STAT4: variants seen among roughly 807,000 people sequenced by gnomAD.
The protein encoded by STAT4 is signal transducer and activator of transcription 4.
A neutral mutation model predicts 110.5 loss-of-function variants in STAT4; 42 were observed. That is an observed-to-expected ratio of 0.38 (90% CI 0.30 to 0.49). The LOEUF is 0.49. Ranked by LOEUF, STAT4 falls within the 20% of genes least tolerant of loss-of-function variation. The pLI, the probability that STAT4 is intolerant of heterozygous loss-of-function variation, is 0.95. For missense variants in STAT4, 632 were observed against 887.9 expected, an observed-to-expected ratio of 0.71 and a Z score of 3.66; for synonymous variants, 284 against 302.2, an observed-to-expected ratio of 0.94 and a Z score of 0.63.
At chr2:191,078,057 T>C (rs1559056742) in intron 3 of STAT4, among the ~76,000 whole-genome samples, 1 of 151,264 alleles carries the variant, frequency 6.6e-6, no homozygotes, top group Admixed American at 6.6e-5. Flanking sequence ...AGAAAAGCTA[T>C]GTTTTCTCAT....
In STAT4 at chr2:191,095,244, A is replaced by C. The variant is rs140075666; in HGVS notation, c.274-18919T>G. On this transcript the variant is annotated intron_variant, in intron 3 of 23. Coordinates refer to ENST00000392320, the MANE Select transcript of STAT4 (RefSeq NM_003151.4). ...ACAAGGATATCCAGGAACTGAACTC[A>C]GCTCTGCAACAAGCAGACCTAACAG... is the stretch of plus-strand genomic sequence containing the variant. Among the ~76,000 whole-genome samples, 1,219 of 152,322 alleles carry C rather than the reference A, an allele frequency of 8.0e-3. 14 individuals carry two copies. The highest frequency in any genetic ancestry group is 0.041 in the Middle Eastern group (12 of 294).
rs1699146117 is a variant in STAT4, at chr2:191,135,217, G to C, written c.273+11396C>G. 6.6e-6 allele frequency among the ~76,000 whole-genome samples: 1 copy of C among 151,994 alleles called. No individual in the cohort carries two copies. Among genetic ancestry groups the C allele is most frequent in the African/African-American group, 2.4e-5 (1 of 41,364 alleles). On this transcript the variant is annotated intron_variant, in intron 3 of 23. Coordinates refer to ENST00000392320, the MANE Select transcript of STAT4 (RefSeq NM_003151.4). The surrounding 1 kb of genome is among the most constrained non-coding windows in gnomAD (Gnocchi z 4.8). Reference sequence around the variant, plus strand: ...AAATAAAATCAGAAATGAAAAAGGAGACATTACAACTGACATCACGAAAAT... The same window carrying C: ...AAATAAAATCAGAAATGAAAAAGGACACATTACAACTGACATCACGAAAAT...
At position 191,060,276 on chromosome 2, in the gene STAT4, T is replaced by A. The variant is rs1696811932; in HGVS notation, c.1034+1453A>T. On this transcript the variant is annotated intron_variant, in intron 10 of 23. Transcript: ENST00000392320. This position sits in a 1 kb window ranked among gnomAD's most constrained non-coding sequence, Gnocchi z 4.5. Reference sequence around the variant, plus strand: ...CAGAGAGCATCTTAGACTTACTATATCATCTATAGGAGTGTCTCAAGGAAA... The same window carrying A: ...CAGAGAGCATCTTAGACTTACTATAACATCTATAGGAGTGTCTCAAGGAAA... Among the ~76,000 whole-genome samples the A allele has an allele frequency of 6.6e-6, 1 of 152,190 alleles. No individual in the cohort carries two copies. Among genetic ancestry groups the A allele is most frequent in the Non-Finnish European group, 1.5e-5 (1 of 68,036 alleles).
intron 3 of STAT4, among the ~76,000 whole-genome samples, chr2:191,136,294 GA>G (rs1699180268): frequency 1.3e-5 from 2 of 152,294 alleles, no homozygotes; most frequent in South Asian, 4.1e-4. Context: ...TACTGAATAA[GA>G]AAAAGCTGAA....
rs973294359 is a variant in STAT4 at position 191,043,426 on chromosome 2, G to A, written c.1252-2278C>T. Among the ~76,000 whole-genome samples, 1 of 152,140 alleles carries A rather than the reference G, an allele frequency of 6.6e-6. No individual in the cohort carries two copies. Among genetic ancestry groups the A allele is most frequent in the East Asian group, 1.9e-4 (1 of 5,194 alleles). ...ACAGAGAAAATGGAGTAGAGGAAAT[G>A]TCAAAGACATAAACAAATTGTAATT... On this transcript the variant is annotated intron_variant, in intron 14 of 23. Coordinates refer to ENST00000392320, the MANE Select transcript of STAT4 (RefSeq NM_003151.4). The surrounding 1 kb of genome is among the most constrained non-coding windows in gnomAD (Gnocchi z 4.8).
In STAT4 at chr2:191,077,993, A is replaced by C. The variant is rs1697362100; in HGVS notation, c.274-1668T>G. ...TCTCTCTAGTTAGAATTTGTTCCTG[A>C]TGTTAATTTTCCCATGTATTATTTT... is the stretch of plus-strand genomic sequence containing the variant. On this transcript the variant is annotated intron_variant, in intron 3 of 23. Transcript: ENST00000392320. This position sits in a 1 kb window ranked among gnomAD's most constrained non-coding sequence, Gnocchi z 4.1. Among the ~76,000 whole-genome samples, 1 of 152,026 alleles carries C rather than the reference A, an allele frequency of 6.6e-6. No homozygotes were observed. Among genetic ancestry groups the C allele is most frequent in the African/African-American group, 2.4e-5 (1 of 41,398 alleles).
rs1394930217 is a variant in STAT4 at position 191,062,120 on chromosome 2, T to C, written c.942-299A>G. On this transcript the variant is annotated intron_variant, in intron 9 of 23. Transcript: ENST00000392320. The surrounding 1 kb of genome is among the most constrained non-coding windows in gnomAD (Gnocchi z 4.9). ...CCCAGGCTGAAGTGCAGTGGCACGA[T>C]CATAGCTCACTGCAGTCTCAACCTC... Among the ~76,000 whole-genome samples the C allele has an allele frequency of 6.6e-6, 1 of 152,194 alleles. No individual in the cohort carries two copies. The highest frequency in any genetic ancestry group is 1.5e-5 in the Non-Finnish European group (1 of 68,038).
chr2:191,095,352 C>T lies in STAT4; in HGVS notation c.274-19027G>A, dbSNP rs565119180. On this transcript the variant is annotated intron_variant, in intron 3 of 23. Transcript: ENST00000392320. ...ATCGCACTTATTCCAAAATTGACCA[C>T]ATAGTTGGAAGTAAAACACTCCTCA... Among the ~76,000 whole-genome samples the T allele has an allele frequency of 3.3e-5, 5 of 152,288 alleles. No homozygotes were observed. In the East Asian group the frequency reaches 9.6e-4, roughly 29 times the overall value.
At chr2:191,130,071 A>C (rs1353108748) in intron 3 of STAT4, among the ~76,000 whole-genome samples, 1 of 152,052 alleles carries the variant, frequency 6.6e-6, no homozygotes, top group Non-Finnish European at 1.5e-5. Context: ...TTTGAGGTGA[A>C]GTTTCAATCT....
In STAT4 at chr2:191,074,147, T is replaced by A. The variant is rs1697245557; in HGVS notation, c.373-957A>T. On this transcript the variant is annotated intron_variant, in intron 4 of 23. Transcript: ENST00000392320. ...CCTGGTTAAGCAAAAAGACAGTTCC[T>A]CCAAGCAGAACGTCTTAGCTACTCT... is the stretch of plus-strand genomic sequence containing the variant. 2.0e-5 allele frequency among the ~76,000 whole-genome samples: 3 copies of A among 152,288 alleles called. No individual in the cohort carries two copies. In the South Asian group the frequency reaches 6.2e-4, roughly 32 times the overall value.
In STAT4 at chr2:191,059,023, A is replaced by T. The variant is rs1696779878; in HGVS notation, c.1035-254T>A. Among the ~76,000 whole-genome samples, 1 of 151,962 alleles carries T rather than the reference A, an allele frequency of 6.6e-6. No homozygotes were observed. Among genetic ancestry groups the T allele is most frequent in the African/African-American group, 2.4e-5 (1 of 41,362 alleles). On this transcript the variant is annotated intron_variant, in intron 10 of 23. Coordinates refer to ENST00000392320, the MANE Select transcript of STAT4 (RefSeq NM_003151.4). This position sits in a 1 kb window ranked among gnomAD's most constrained non-coding sequence, Gnocchi z 4.7. ...AAGTGTTTCCATATTGCTTCAGTTG[A>T]TGTTTGCTGGATAATACGTTGGCCA...
intron 13 of STAT4, among the ~76,000 whole-genome samples, chr2:191,057,771 T>C (rs1346203317): frequency 6.6e-6 from 1 of 151,956 alleles, no homozygotes; most frequent in East Asian, 1.9e-4. Context: ...GCTAATTTTT[T>C]GTATTTTTAG....
At chr2:191,067,334 C>A (rs1190388627) in intron 6 of STAT4, among the ~76,000 whole-genome samples, 1 of 152,054 alleles carries the variant, frequency 6.6e-6, no homozygotes, top group Non-Finnish European at 1.5e-5. Context: ...GTGAAGTGCT[C>A]GGAAGCTCCC....
At chr2:191,114,068 GT>G (rs973341972) in intron 3 of STAT4, among the ~76,000 whole-genome samples, 73 of 152,236 alleles carry the variant, frequency 4.8e-4, no homozygotes, top group African/African-American at 1.7e-3. Flanking sequence ...GGCCATAATT[GT>G]TTTACAACTT....
chr2:191,036,503 T>A (rs1457092677), intron 16 of STAT4, among the ~76,000 whole-genome samples: 1 of 152,150 alleles, frequency 6.6e-6, no homozygotes, highest in Non-Finnish European at 1.5e-5. Context: ...CGTGTCCTAA[T>A]AGAAAACACC....
In STAT4 at chr2:191,135,947, A is replaced by C. The variant is rs1262158125; in HGVS notation, c.273+10666T>G. 6.6e-6 allele frequency among the ~76,000 whole-genome samples: 1 copy of C among 151,532 alleles called. No individual in the cohort carries two copies. The highest frequency in any genetic ancestry group is 2.4e-5 in the African/African-American group (1 of 41,258). On this transcript the variant is annotated intron_variant, in intron 3 of 23. Transcript: ENST00000392320. This position sits in a 1 kb window ranked among gnomAD's most constrained non-coding sequence, Gnocchi z 4.8. ...CAACTACAGGCCAATATCCCTGATG[A>C]ATACTGATGCAAAATTTGTCAACAA... is the stretch of plus-strand genomic sequence containing the variant.
At chr2:191,096,738 C>T (rs977153559) in intron 3 of STAT4, among the ~76,000 whole-genome samples, 1 of 152,206 alleles carries the variant, frequency 6.6e-6, no homozygotes, top group African/African-American at 2.4e-5. Flanking sequence ...CTCACCACTC[C>T]TATTCAACAC....
chr2:191,114,774 G>A (rs1168985416), intron 3 of STAT4, among the ~76,000 whole-genome samples: 4 of 152,168 alleles, frequency 2.6e-5, no homozygotes, highest in Admixed American at 2.6e-4. Context: ...GGCTGCCTTT[G>A]GAGTGGAGAG....
chr2:191,040,461 C>T (rs909668774), intron 15 of STAT4, among the ~76,000 whole-genome samples: 1 of 152,176 alleles, frequency 6.6e-6, no homozygotes, highest in Admixed American at 6.5e-5. Context: ...GTTCATGACT[C>T]AGGAAATCCC....
Sources: allele counts gnomAD v4.1 joint callset (sites outside exome capture counted in the v4.1 genomes callset), GRCh38; gene constraint gnomAD v4.1.1; non-coding constraint Gnocchi (gnomAD v3.1); transcripts MANE v1.5; gene names NCBI Gene and HGNC (gene_info 2026-07-23, HGNC 2026-07-21).